KDM7A: variants seen among roughly 807,000 people sequenced by gnomAD.
KDM7A encodes the protein lysine demethylase 7A, also known as lysine-specific demethylase 7A.
KDM7A carries 28 observed loss-of-function variants against 114.8 expected under a neutral mutation model. The ratio of observed to expected loss-of-function variants is 0.24; its 90% confidence interval spans 0.18 to 0.33. The LOEUF is 0.33. Ranked by LOEUF, KDM7A falls within the 10% of genes least tolerant of loss-of-function variation. The probability of loss-of-function intolerance (pLI) is 1.00; values close to 1 mark genes in which losing one functional copy is unlikely to be tolerated. For synonymous variants in KDM7A, 423 were observed against 397.8 expected, an observed-to-expected ratio of 1.06 and a Z score of -0.75; for missense variants, 942 against 1,142.5, an observed-to-expected ratio of 0.82 and a Z score of 2.53.
intron 4 of KDM7A, among the ~76,000 whole-genome samples, chr7:140,128,436 C>T (rs752559188): frequency 3.8e-4 from 58 of 152,180 alleles, no homozygotes; most frequent in Non-Finnish European, 6.5e-4. Context: ...GGAGGCAACA[C>T]GGTTCTGCTC....
chr7:140,092,009 A>G lies in KDM7A; in HGVS notation c.2526T>C (p.Ser842=). ...GSSEISQRVQ[S]RNYVDSSGSS... ...AGCCGCTGCTGTCCACATAATTCCTACTTTGTACCCTCTGACTAATTTCTG... is the reference window on the plus strand; with the variant it reads ...AGCCGCTGCTGTCCACATAATTCCTGCTTTGTACCCTCTGACTAATTTCTG... The change falls in exon 19 of 20, where the codon AGT becomes AGC. Residue 842 remains serine (S), a synonymous_variant. Coordinates refer to ENST00000397560, the MANE Select transcript of KDM7A (RefSeq NM_030647.2). The G allele has an allele frequency of 6.2e-7, 1 of 1,613,896 alleles. No homozygotes were observed. Among genetic ancestry groups the G allele is most frequent in the Non-Finnish European group, 8.5e-7 (1 of 1,179,960 alleles).
At chr7:140,131,958 A>C (rs1818794000) in intron 3 of KDM7A, among the ~76,000 whole-genome samples, 1 of 152,226 alleles carries the variant, frequency 6.6e-6, no homozygotes, top group African/African-American at 2.4e-5. Context: ...TCTATGAAAC[A>C]TAATAGAGTA....
intron 1 of KDM7A, among the ~76,000 whole-genome samples, chr7:140,148,129 G>C (rs1038092915): frequency 1.3e-4 from 20 of 151,232 alleles, no homozygotes; most frequent in African/African-American, 4.6e-4. Flanking sequence ...GCCCAAATAG[G>C]AACTAGGCTT....
chr7:140,163,030 T>G (rs1197276842), intron 1 of KDM7A, among the ~76,000 whole-genome samples: 1 of 151,406 alleles, frequency 6.6e-6, no homozygotes, highest in East Asian at 1.9e-4. Context: ...TGTCCCGCTC[T>G]GTCACCCAGG....
chr7:140,176,797 G>A lies in KDM7A; in HGVS notation c.141C>T (p.Asp47=), dbSNP rs371563035. ...CGCACTCGATCATGAAGCGGTTCACGTCGTACGGCTGCCGGCACACACAGT... is the reference window on the plus strand; with the variant it reads ...CGCACTCGATCATGAAGCGGTTCACATCGTACGGCTGCCGGCACACACAGT... ...PVYCVCRQPY[D]VNRFMIECDI... The change falls in exon 1 of 20, where the codon GAC becomes GAT. Residue 47 remains aspartate (D), a synonymous_variant. Transcript: ENST00000397560. This position sits in a 1 kb window ranked among gnomAD's most constrained non-coding sequence, Gnocchi z 4.4. The A allele has an allele frequency of 1.7e-5, 24 of 1,416,852 alleles. No individual in the cohort carries two copies. The highest frequency in any genetic ancestry group is 2.2e-5 in the Non-Finnish European group (23 of 1,063,608). 87.8% of individuals were successfully genotyped at this position (1,416,852 alleles called of 1,614,324 possible). A position where few individuals can be genotyped will look rare whatever the true frequency, so the allele number is the denominator to read the frequency against.
rs1451765431 is a variant in KDM7A at position 140,134,519 on chromosome 7, C to T, written c.281-863G>A. 2.0e-5 allele frequency among the ~76,000 whole-genome samples: 3 copies of T among 152,110 alleles called. No individual in the cohort carries two copies. The East Asian group carries it at 5.8e-4, about 29-fold the overall frequency. ...TCCAGCAGAGTGGCACTACCTACAG[C>T]TCTTGTGTGTTGTATCAATGTACAA... On this transcript the variant is annotated intron_variant, in intron 2 of 19. Coordinates refer to ENST00000397560, the MANE Select transcript of KDM7A (RefSeq NM_030647.2).
chr7:140,100,686 A>ATATATATATATATATATATGTG, intron 12 of KDM7A, among the ~76,000 whole-genome samples: 3 of 33,580 alleles, frequency 8.9e-5, no homozygotes, highest in African/African-American at 4.4e-4. Context: ...ATATACATAT[A>ATATATATATATATATATATGTG]TACATATATA....
intron 1 of KDM7A, among the ~76,000 whole-genome samples, chr7:140,168,289 G>A (rs1021876577): frequency 6.6e-6 from 1 of 152,098 alleles, no homozygotes; most frequent in African/African-American, 2.4e-5. Context: ...TACAAGGTCG[G>A]GCGTGGTGGC....
rs562030361 is a variant in KDM7A at position 140,170,998 on chromosome 7, G to A, written c.194+5746C>T. On this transcript the variant is annotated intron_variant, in intron 1 of 19. Coordinates refer to ENST00000397560, the MANE Select transcript of KDM7A (RefSeq NM_030647.2). ...CCAGCTACTTGAGAGGCTGAAACAG[G>A]AGGATTGCTTGCACTCAGGAGTTCA... is the stretch of plus-strand genomic sequence containing the variant. Among the ~76,000 whole-genome samples, 3 of 152,152 alleles carry A rather than the reference G, an allele frequency of 2.0e-5. No individual in the cohort carries two copies. The South Asian group carries it at 6.2e-4, about 32-fold the overall frequency.
chr7:140,167,546 G>A (rs1794592404), intron 1 of KDM7A, among the ~76,000 whole-genome samples: 1 of 151,946 alleles, frequency 6.6e-6, no homozygotes, highest in Non-Finnish European at 1.5e-5. Flanking sequence ...ATAGTACTGG[G>A]ACAACTGGAC....
At chr7:140,155,007 T>C (rs573345693) in intron 1 of KDM7A, among the ~76,000 whole-genome samples, 27 of 152,270 alleles carry the variant, frequency 1.8e-4, no homozygotes, top group South Asian at 1.0e-3. Context: ...GAGACTAAAA[T>C]GGTGACAGCA....
At chr7:140,091,576 G>C (rs902778499) in intron 19 of KDM7A, among the ~76,000 whole-genome samples, 1 of 152,092 alleles carries the variant, frequency 6.6e-6, no homozygotes, top group African/African-American at 2.4e-5. Context: ...AATTCAGCCT[G>C]GCTAACCCCT....
intron 9 of KDM7A, among the ~76,000 whole-genome samples, chr7:140,117,500 T>G (rs1415045467): frequency 1.3e-5 from 2 of 151,736 alleles, no homozygotes; most frequent in East Asian, 3.9e-4. Flanking sequence ...GTGGATAGTT[T>G]CTCCTAGCTA....
rs901219730 is a variant in KDM7A, at chr7:140,176,899, T to G, written c.39A>C (p.Ala13=). The change falls in exon 1 of 20, where the codon GCA becomes GCC. Residue 13 remains alanine (A), a synonymous_variant. Transcript: ENST00000397560. The surrounding 1 kb of genome is among the most constrained non-coding windows in gnomAD (Gnocchi z 4.4). ...ACACGGCTGCCGCGGCGGCTCCAGC[T>G]GCTGCTCCCGCGGCCACCGCCGCCG... ...GAAAAVAAGA[A]AGAAAAAVSV... is the part of the protein sequence containing the mutation. 2.5e-5 allele frequency: 30 copies of G among 1,181,360 alleles called. No homozygotes were observed. The highest frequency in any genetic ancestry group is 3.2e-5 in the Non-Finnish European group (30 of 948,094). The allele number at this position is 1,181,360 out of a possible 1,614,324, so 73.2% of individuals were successfully genotyped here.
intron 6 of KDM7A, among the ~76,000 whole-genome samples, chr7:140,125,871 GACT>G (rs1295450716): frequency 6.6e-6 from 1 of 151,790 alleles, no homozygotes. Flanking sequence ...GAGTAGCTGT[GACT>G]ACAAGCATGA....
chr7:140,141,068 A>C lies in KDM7A; in HGVS notation c.195-1878T>G, dbSNP rs73469866. On this transcript the variant is annotated intron_variant, in intron 1 of 19. Transcript: ENST00000397560. Reference sequence around the variant, plus strand: ...ACAACTGCATAAAAATGTCAAGTACACTGGAATAAATTTAACAAAAACTAT... The same window carrying C: ...ACAACTGCATAAAAATGTCAAGTACCCTGGAATAAATTTAACAAAAACTAT... Among the ~76,000 whole-genome samples, 896 of 152,326 alleles carry C rather than the reference A, an allele frequency of 5.9e-3. 2 individuals are homozygous for C. Among genetic ancestry groups the C allele is most frequent in the African/African-American group, 0.021 (854 of 41,592 alleles).
intron 9 of KDM7A, among the ~76,000 whole-genome samples, chr7:140,115,990 A>G (rs1211059614): frequency 6.6e-6 from 1 of 152,110 alleles, no homozygotes; most frequent in Admixed American, 6.5e-5. Flanking sequence ...ACTACTTTAT[A>G]TCCATGAGAT....
chr7:140,105,130 A>G (rs1469576983), intron 11 of KDM7A, among the ~76,000 whole-genome samples: 3 of 152,182 alleles, frequency 2.0e-5, no homozygotes, highest in East Asian at 1.9e-4. Flanking sequence ...ATTTTTGCAC[A>G]TTGATTTTGT....
rs957330883 is a variant in KDM7A, at chr7:140,108,323, C to T, written c.1428+2772G>A. On this transcript the variant is annotated intron_variant, in intron 11 of 19. Transcript: ENST00000397560. ...CCGTCCAGCTTCGTTCCGTTGCTGA[C>T]GAGAAGCTGCGTTCCTCTGGAGGGG... 6.5e-4 allele frequency among the ~76,000 whole-genome samples: 99 copies of T among 152,138 alleles called. 1 individual carries two copies. The highest frequency in any genetic ancestry group is 2.2e-3 in the African/African-American group (93 of 41,426).
Sources: gnomAD v4.1 joint callset for allele counts (sites outside exome capture counted in the v4.1 genomes callset) on GRCh38, gnomAD v4.1.1 for gene constraint, Gnocchi (gnomAD v3.1) non-coding constraint, MANE v1.5 for transcripts, NCBI Gene and HGNC (gene_info 2026-07-23, HGNC 2026-07-21) for gene names.